Variants in GALNTL6 observed in about 807,000 individuals in gnomAD.
GALNTL6 encodes polypeptide N-acetylgalactosaminyltransferase-like 6.
In GALNTL6, 46 loss-of-function variants were observed where a neutral mutation model predicts 73.7. The observed-to-expected ratio is 0.62, with a 90% CI of 0.49 to 0.80. GALNTL6 has a LOEUF of 0.80. GALNTL6 is among the 30% of genes least tolerant of loss of function. The pLI, the probability that GALNTL6 is intolerant of heterozygous loss-of-function variation, is 0.00. For synonymous variants in GALNTL6, 259 were observed against 263.7 expected (o/e 0.98, Z 0.17); for missense variants, 604 against 755.0 (o/e 0.80, Z 2.34).
intron 2 of GALNTL6, among the ~76,000 whole-genome samples, chr4:172,025,030 G>A (rs1470309702): frequency 6.6e-6 from 1 of 151,818 alleles, no homozygotes; most frequent in Non-Finnish European, 1.5e-5. Context: ...GGGAACAAAG[G>A]CATTTAATAA....
intron 2 of GALNTL6, among the ~76,000 whole-genome samples, chr4:171,909,172 A>G (rs1479779782): frequency 1.5e-5 from 2 of 137,048 alleles, no homozygotes; most frequent in African/African-American, 2.7e-5. Flanking sequence ...ATAAAAAGAA[A>G]AAAGAAAAAA....
chr4:172,835,791 G>C (rs2111068132), intron 7 of GALNTL6, among the ~76,000 whole-genome samples: 1 of 152,336 alleles, frequency 6.6e-6, no homozygotes, highest in South Asian at 2.1e-4. Flanking sequence ...AGATAAGTTA[G>C]AGGTAAGGTA....
intron 7 of GALNTL6, among the ~76,000 whole-genome samples, chr4:172,842,280 C>G (rs1743255714): frequency 6.6e-6 from 1 of 152,220 alleles, no homozygotes; most frequent in Admixed American, 6.5e-5. Flanking sequence ...ACCTTAGCCA[C>G]TCTCTAAACA....
chr4:172,209,868 T>G (rs1354708546), intron 2 of GALNTL6, among the ~76,000 whole-genome samples: 1 of 152,034 alleles, frequency 6.6e-6, no homozygotes, highest in Non-Finnish European at 1.5e-5. Flanking sequence ...CATTAGAATT[T>G]TGAGTAGTAA....
intron 5 of GALNTL6, among the ~76,000 whole-genome samples, chr4:172,594,241 G>C (rs1245509147): frequency 6.6e-6 from 1 of 152,104 alleles, no homozygotes; most frequent in African/African-American, 2.4e-5. Context: ...AGCTACTCGG[G>C]AGGCTGAGGC....
intron 3 of GALNTL6, among the ~76,000 whole-genome samples, chr4:172,253,007 CA>C (rs1256583561): frequency 3.9e-5 from 6 of 152,062 alleles, no homozygotes; most frequent in African/African-American, 1.4e-4. Context: ...TTTTGATCTA[CA>C]AAAGCTGCAC....
chr4:172,952,123 G>C lies in GALNTL6; in HGVS notation c.1236G>C (p.Thr412=), dbSNP rs780663046. The C allele has an allele frequency of 2.5e-5, 40 of 1,613,942 alleles. No individual in the cohort carries two copies. Among genetic ancestry groups the C allele is most frequent in the Non-Finnish European group, 3.3e-5 (39 of 1,179,972 alleles). ...GGCCGGAGTACAGGCATCTCTCCAC[G>C]GGGGACATCTCTGCCCAGAAGGAGC... ...QRRPEYRHLS[T]GDISAQKELR... The change falls in exon 10 of 13, where the codon ACG becomes ACC. Residue 412 remains threonine (T), a synonymous_variant. Transcript: ENST00000506823.
At chr4:172,287,369 A>G (rs1174265343) in intron 3 of GALNTL6, among the ~76,000 whole-genome samples, 1 of 152,156 alleles carries the variant, frequency 6.6e-6, no homozygotes, top group African/African-American at 2.4e-5. Flanking sequence ...ATGGACTTCA[A>G]AACTTCTCAT....
chr4:172,195,592 C>G (rs563678082), intron 2 of GALNTL6, among the ~76,000 whole-genome samples: 10 of 152,256 alleles, frequency 6.6e-5, no homozygotes, highest in African/African-American at 2.4e-4. Flanking sequence ...AGCAGTCAAG[C>G]AGAACAAAGC....
chr4:172,965,758 T>G (rs1346028452), intron 10 of GALNTL6, among the ~76,000 whole-genome samples: 1 of 152,188 alleles, frequency 6.6e-6, no homozygotes, highest in African/African-American at 2.4e-5. Context: ...TTTCTTCTCC[T>G]GTATGGCATA....
chr4:173,004,263 TTC>T (rs1752175207), intron 10 of GALNTL6, among the ~76,000 whole-genome samples: 1 of 152,192 alleles, frequency 6.6e-6, no homozygotes, highest in Admixed American at 6.5e-5. Flanking sequence ...CTCCATCCAG[TTC>T]TCTTTCTGTG....
intron 4 of GALNTL6, among the ~76,000 whole-genome samples, chr4:172,336,442 T>TG (rs1326686336): frequency 6.6e-6 from 1 of 151,104 alleles, no homozygotes; most frequent in Non-Finnish European, 1.5e-5. Context: ...CAGCTAATTT[T>TG]TTTTTTTTTT....
chr4:171,925,704 T>C (rs1737954735), intron 2 of GALNTL6, among the ~76,000 whole-genome samples: 1 of 152,146 alleles, frequency 6.6e-6, no homozygotes, highest in South Asian at 2.1e-4. Flanking sequence ...ATTTGAAGCT[T>C]CAGTTGTCAA....
chr4:172,398,603 T>C (rs1743930257), intron 5 of GALNTL6, among the ~76,000 whole-genome samples: 1 of 152,160 alleles, frequency 6.6e-6, no homozygotes, highest in African/African-American at 2.4e-5. Flanking sequence ...AAAGAGTATG[T>C]ATTCTTTATT....
chr4:172,197,082 T>C (rs911441264), intron 2 of GALNTL6, among the ~76,000 whole-genome samples: 6 of 152,106 alleles, frequency 3.9e-5, no homozygotes, highest in Non-Finnish European at 8.8e-5. Flanking sequence ...ATAAGCAACT[T>C]CATCAAAGTC....
Position 171,855,241 on chromosome 4 carries a change from T to C in GALNTL6, c.138+40523T>C, listed in dbSNP as rs77291586. 1.1e-3 allele frequency among the ~76,000 whole-genome samples: 166 copies of C among 152,298 alleles called. 1 individual carries two copies. The highest frequency in any genetic ancestry group is 3.4e-3 in the Middle Eastern group (1 of 294). Reference sequence around the variant, plus strand: ...ACCGTATCATACAGAACACTTTCACTGACCTAAAAATCTCCTGCACTCCAC... The same window carrying C: ...ACCGTATCATACAGAACACTTTCACCGACCTAAAAATCTCCTGCACTCCAC... On this transcript the variant is annotated intron_variant, in intron 2 of 12. Transcript: ENST00000506823.
intron 2 of GALNTL6, among the ~76,000 whole-genome samples, chr4:171,940,015 T>C (rs1184839720): frequency 6.6e-6 from 1 of 152,154 alleles, no homozygotes; most frequent in Non-Finnish European, 1.5e-5. Context: ...TTGTTTTTTT[T>C]AACTCACTGT....
At chr4:171,892,612 A>C (rs1736794508) in intron 2 of GALNTL6, among the ~76,000 whole-genome samples, 1 of 152,166 alleles carries the variant, frequency 6.6e-6, no homozygotes, top group Admixed American at 6.5e-5. Flanking sequence ...TCTAGGCTGA[A>C]GTGCAGTGGT....
At chr4:172,824,645 T>A (rs1243160656) in intron 7 of GALNTL6, among the ~76,000 whole-genome samples, 1 of 152,056 alleles carries the variant, frequency 6.6e-6, no homozygotes, top group Non-Finnish European at 1.5e-5. Context: ...TGGCTTTGAG[T>A]CTATGCTGCT....
Sources: allele counts gnomAD v4.1 joint callset (sites outside exome capture counted in the v4.1 genomes callset), GRCh38; gene constraint gnomAD v4.1.1; transcripts MANE v1.5; gene names NCBI Gene and HGNC (gene_info 2026-07-23, HGNC 2026-07-21).